The following MRTFB variants were observed in gnomAD, a reference collection of about 807,000 sequenced individuals.
MRTFB encodes the protein myocardin related transcription factor B.
A neutral mutation model predicts 104.2 loss-of-function variants in MRTFB; 29 were observed. That is an observed-to-expected ratio of 0.28 (90% CI 0.21 to 0.38). The LOEUF (loss-of-function observed/expected upper bound fraction) is 0.38, where lower values mean the gene tolerates loss of function less well. MRTFB is among the 10% of genes least tolerant of loss of function. MRTFB has a pLI of 1.00. For missense variants in MRTFB, 1,270 were observed against 1,341.6 expected (o/e 0.95, Z 0.83); for synonymous variants, 535 against 519.5 (o/e 1.03, Z -0.41).
At chr16:14,081,369 T>G (rs566393819) in intron 2 of MRTFB, among the ~76,000 whole-genome samples, 2 of 150,174 alleles carry the variant, frequency 1.3e-5, no homozygotes, top group African/African-American at 4.9e-5. Flanking sequence ...CTTGGCTCAC[T>G]GCAACCTCCG....
chr16:14,027,431 GA>G, the MRTFB span, among the ~76,000 whole-genome samples: 6 of 151,880 alleles, frequency 4.0e-5, no homozygotes, highest in South Asian at 2.1e-4. Context: ...TGTGGTGATA[GA>G]AAAAAAATCT....
At chr16:14,174,091 G>C (rs576094779) in intron 3 of MRTFB, among the ~76,000 whole-genome samples, 1 of 150,186 alleles carries the variant, frequency 6.7e-6, no homozygotes, top group African/African-American at 2.4e-5. Context: ...AATTTTTTTT[G>C]AGGATTCTAT....
chr16:14,035,431 G>A, the MRTFB span, among the ~76,000 whole-genome samples: 6 of 152,126 alleles, frequency 3.9e-5, no homozygotes, highest in South Asian at 2.1e-4. Flanking sequence ...CAATTTATCC[G>A]GCCTTGGTGC....
rs747839896 is a variant in MRTFB at position 14,071,523 on chromosome 16, C to G, written c.-129+158C>G. On this transcript the variant is annotated intron_variant, in intron 1 of 16. Coordinates refer to ENST00000571589, the MANE Select transcript of MRTFB (RefSeq NM_001308142.2). ...AGCTGCGGCGCCGTTTGGTCCGCAC[C>G]GTCCCCGGGACTCGCGCGGGGCGGG... 1.8e-4 allele frequency among the ~76,000 whole-genome samples: 27 copies of G among 151,286 alleles called. No individual in the cohort carries two copies. In the East Asian group the frequency reaches 3.6e-3, roughly 20 times the overall value.
intron 8 of MRTFB, among the ~76,000 whole-genome samples, chr16:14,224,159 T>TATCA (rs2151254411): frequency 6.6e-6 from 1 of 152,280 alleles, no homozygotes; most frequent in African/African-American, 2.4e-5. Context: ...ACTCATTCAC[T>TATCA]ATCATGAGAA....
intron 3 of MRTFB, among the ~76,000 whole-genome samples, chr16:14,189,983 T>C (rs1210538150): frequency 6.6e-6 from 1 of 152,204 alleles, no homozygotes; most frequent in African/African-American, 2.4e-5. Context: ...CAAGAAAATT[T>C]AGCAATACCT....
chr16:14,078,594 A>AT (rs538876907), intron 1 of MRTFB, among the ~76,000 whole-genome samples: 17,491 of 140,682 alleles, frequency 0.12, 2,327 homozygotes, highest in African/African-American at 0.34. Flanking sequence ...CTCCTGGCAA[A>AT]TTTTTTTTTT....
intron 2 of MRTFB, among the ~76,000 whole-genome samples, chr16:14,104,163 TAGGTATG>T (rs2035851118): frequency 6.6e-6 from 1 of 152,216 alleles, no homozygotes; most frequent in Middle Eastern, 3.2e-3. Context: ...AGGGTGTGTT[TAGGTATG>T]AGGCCAGGCC....
chr16:14,188,348 T>C (rs758307777), intron 3 of MRTFB, among the ~76,000 whole-genome samples: 5 of 152,138 alleles, frequency 3.3e-5, no homozygotes, highest in Admixed American at 6.5e-5. Flanking sequence ...AGTGTCAAGC[T>C]CCTAATAATA....
chr16:14,261,055 A>T lies in MRTFB; in HGVS notation c.2911A>T (p.Met971Leu), dbSNP rs774687627. ...GGCACCACCTGTATCTTTAGAACCT[A>T]TGGGCAGTTTATCTGCCAGCTTAGA... ...QMAPPVSLEP[M>L]GSLSASLENQ... The change falls in exon 17 of 17, where the codon ATG becomes TTG. Residue 971 changes from methionine (M) to leucine (L), a missense_variant. Coordinates refer to ENST00000571589, the MANE Select transcript of MRTFB (RefSeq NM_001308142.2). The T allele has an allele frequency of 6.2e-7, 1 of 1,614,192 alleles. No homozygotes were observed. Among genetic ancestry groups the T allele is most frequent in the South Asian group, 1.1e-5 (1 of 91,076 alleles).
At chr16:14,016,064 G>T in the MRTFB span, 1,088 of 398,420 alleles carry the variant, frequency 2.7e-3, 18 homozygotes, top group East Asian at 0.036. Context: ...ATCAAGATGG[G>T]TGGACCCACT....
At chr16:14,256,297 A>G (rs1031226454) in intron 15 of MRTFB, among the ~76,000 whole-genome samples, 1 of 152,192 alleles carries the variant, frequency 6.6e-6, no homozygotes, top group Non-Finnish European at 1.5e-5. Context: ...ACATATGACT[A>G]AACAATTCAA....
In MRTFB at chr16:14,260,978, C is replaced by A. The variant is rs773817857; in HGVS notation, c.2834C>A (p.Thr945Asn). Residue 945 changes from threonine (T) to asparagine (N), a missense_variant, in exon 17 of 17, where the codon ACC (threonine) becomes AAC (asparagine). By Grantham distance (65) the Thr-to-Asn change is moderately conservative. Coordinates refer to ENST00000571589, the MANE Select transcript of MRTFB (RefSeq NM_001308142.2). ...SKMRPVTASITTMPVNTVVSR... is the reference protein window; with the variant it reads ...SKMRPVTASINTMPVNTVVSR... Reference sequence around the variant, plus strand: ...ATGAGACCAGTGACAGCCAGCATCACCACAATGCCAGTGAATACAGTGGTG... The same window carrying A: ...ATGAGACCAGTGACAGCCAGCATCAACACAATGCCAGTGAATACAGTGGTG... The A allele has an allele frequency of 1.2e-6, 2 of 1,614,192 alleles. No homozygotes were observed. The highest frequency in any genetic ancestry group is 4.5e-5 in the East Asian group (2 of 44,886).
chr16:14,172,381 C>T (rs1214313520), intron 3 of MRTFB, among the ~76,000 whole-genome samples: 11 of 152,172 alleles, frequency 7.2e-5, no homozygotes, highest in Non-Finnish European at 4.4e-5. Context: ...TTTTTAACAG[C>T]TATATAGTAT....
At chr16:14,139,902 C>T (rs1375951697) in intron 2 of MRTFB, among the ~76,000 whole-genome samples, 1 of 152,196 alleles carries the variant, frequency 6.6e-6, no homozygotes, top group Non-Finnish European at 1.5e-5. Context: ...GTCCTTAAGC[C>T]AGTGTCACAT....
At chr16:14,043,404 C>G in the MRTFB span, among the ~76,000 whole-genome samples, 1 of 151,926 alleles carries the variant, frequency 6.6e-6, no homozygotes, top group Admixed American at 6.6e-5. Context: ...CATTCAGAGG[C>G]CACGAGGCAT....
At chr16:14,172,924 G>T (rs2039469851) in intron 3 of MRTFB, among the ~76,000 whole-genome samples, 1 of 151,948 alleles carries the variant, frequency 6.6e-6, no homozygotes, top group Admixed American at 6.6e-5. Flanking sequence ...ATGTTTTTGG[G>T]TTTTTCCTTT....
intron 2 of MRTFB, among the ~76,000 whole-genome samples, chr16:14,093,452 A>G (rs1055110162): frequency 6.6e-6 from 1 of 152,156 alleles, no homozygotes; most frequent in African/African-American, 2.4e-5. Context: ...TTCACTAAAG[A>G]ACTTTCATTA....
chr16:14,061,566 C>CTTTTTTT, the MRTFB span, among the ~76,000 whole-genome samples: 3 of 102,630 alleles, frequency 2.9e-5, no homozygotes, highest in African/African-American at 7.7e-5. Context: ...TCAAGGTCAT[C>CTTTTTTT]TTTTTTTTTT....
Sources: allele counts gnomAD v4.1 joint callset (sites outside exome capture counted in the v4.1 genomes callset), GRCh38; gene constraint gnomAD v4.1.1; transcripts MANE v1.5; gene names NCBI Gene and HGNC (gene_info 2026-07-23, HGNC 2026-07-21).